ESYT3: variants seen among roughly 807,000 people sequenced by gnomAD.
ESYT3 encodes extended synaptotagmin 3, also known as extended synaptotagmin-3.
A neutral mutation model predicts 111.5 loss-of-function variants in ESYT3; 101 were observed. The ratio of observed to expected loss-of-function variants is 0.91; its 90% CI spans 0.77 to 1.07. The LOEUF (loss-of-function observed/expected upper bound fraction) is 1.07, where lower values mean the gene tolerates loss of function less well. Ranked by LOEUF, ESYT3 falls within the 50% of genes least tolerant of loss-of-function variation. The pLI is 0.00. For synonymous variants in ESYT3, 416 were observed against 446.8 expected, an observed-to-expected ratio of 0.93 and a Z score of 0.87; for missense variants, 1,097 against 1,109.4, an observed-to-expected ratio of 0.99 and a Z score of 0.16.
At chr3:138,461,892 T>A (rs896436611) in intron 7 of ESYT3, among the ~76,000 whole-genome samples, 194 bp from the exon 8 acceptor site, 13 of 151,830 alleles carry the variant, frequency 8.6e-5, no homozygotes, top group African/African-American at 2.9e-4. Flanking sequence ...AGGACTGCTG[T>A]TGAGATAGAA....
At chr3:138,438,264 G>A (rs1385427222) in intron 1 of ESYT3, among the ~76,000 whole-genome samples, 1 of 152,184 alleles carries the variant, frequency 6.6e-6, no homozygotes, top group African/African-American at 2.4e-5. Context: ...ATTTCTGTAA[G>A]TTAACAGATG....
chr3:138,449,660 A>G (rs1046442981), intron 1 of ESYT3, among the ~76,000 whole-genome samples: 20 of 152,244 alleles, frequency 1.3e-4, no homozygotes, highest in African/African-American at 4.8e-4. Context: ...TGAAGTCACA[A>G]AACAACCCGG....
chr3:138,451,838 C>T (rs189965736), intron 1 of ESYT3, among the ~76,000 whole-genome samples: 1 of 148,762 alleles, frequency 6.7e-6, no homozygotes, highest in African/African-American at 2.6e-5. Flanking sequence ...CTGGATAGTG[C>T]GCTGTTTGAG....
intron 19 of ESYT3, 92 bp from the exon 20 acceptor site, chr3:138,474,129 T>G: frequency 6.6e-7 from 1 of 1,521,130 alleles, no homozygotes; most frequent in Non-Finnish European, 8.9e-7. Flanking sequence ...TTGAAGTGTT[T>G]GAAACTCTCA....
At chr3:138,442,942 A>G (rs980915050) in intron 1 of ESYT3, among the ~76,000 whole-genome samples, 2 of 152,160 alleles carry the variant, frequency 1.3e-5, no homozygotes, top group African/African-American at 4.8e-5. Context: ...TTTGATAAGC[A>G]AGAGGATAAG....
intron 6 of ESYT3, 27 bp from the exon 7 acceptor site, chr3:138,460,584 C>T: frequency 2.5e-6 from 4 of 1,613,532 alleles, no homozygotes; most frequent in Non-Finnish European, 3.4e-6. Flanking sequence ...CCCTTTCCAG[C>T]CTAATAGCTT....
chr3:138,477,337 T>C lies in ESYT3; in HGVS notation c.*483T>C, dbSNP rs1362138191. 1 of 152,818 alleles carries C rather than the reference T, an allele frequency of 6.5e-6. No individual in the cohort carries two copies. The highest frequency in any genetic ancestry group is 2.4e-5 in the African/African-American group (1 of 41,434). The allele number at this position is 152,818 out of a possible 1,614,324, so 9.5% of individuals were successfully genotyped here. On this transcript the variant is annotated 3_prime_UTR_variant, in exon 23 of 23. Transcript: ENST00000389567. ...GTCACTTTTTTATGGAAATAGAAAG[T>C]GACCCAACTCAAAACTGCCAAGAGC...
At chr3:138,461,377 A>G (rs559576569) in intron 7 of ESYT3, among the ~76,000 whole-genome samples, 23 of 152,264 alleles carry the variant, frequency 1.5e-4, no homozygotes, top group African/African-American at 5.5e-4. Flanking sequence ...GGCTGCTCTC[A>G]GAGCCCCAGG....
rs2030508494 is a variant in ESYT3, at chr3:138,434,865, C to A, written c.67C>A (p.Pro23Thr). 2.6e-6 allele frequency: 4 copies of A among 1,549,534 alleles called. No homozygotes were observed. The highest frequency in any genetic ancestry group is 4.9e-5 in the East Asian group (2 of 40,948). The change falls in exon 1 of 23, where the codon CCC becomes ACC. Residue 23 changes from proline (P) to threonine (T), a missense_variant. Physicochemically the swap from Pro to Thr is conservative, Grantham distance 38 (BLOSUM62 -1). Transcript: ENST00000389567. ...SALGAQRTPG[P>T]ELRLSSQLLP... ...CCTGGGAGCCCAGCGCACGCCGGGC[C>A]CCGAGCTGCGCCTGTCCAGCCAGCT... is the stretch of plus-strand genomic sequence containing the variant.
At chr3:138,475,798 G>A (rs2033452649) in intron 20 of ESYT3, among the ~76,000 whole-genome samples, 2 of 152,258 alleles carry the variant, frequency 1.3e-5, no homozygotes, top group Middle Eastern at 3.4e-3. Flanking sequence ...GTGTGGTGGT[G>A]CATGCCTGTA....
In ESYT3 at chr3:138,477,021, TGA is replaced by T; in HGVS notation, c.*168_*169del. 4.0e-6 allele frequency: 2 copies of T among 500,446 alleles called. No homozygotes were observed. The highest frequency in any genetic ancestry group is 6.9e-6 in the Non-Finnish European group (2 of 288,942). 31.0% of individuals were successfully genotyped at this position (500,446 alleles called of 1,614,324 possible). A position where few individuals can be genotyped will look rare whatever the true frequency, so the allele number is the denominator to read the frequency against. On this transcript the variant is annotated 3_prime_UTR_variant, in exon 23 of 23. Coordinates refer to ENST00000389567, the MANE Select transcript of ESYT3 (RefSeq NM_031913.5). ...CTTGTGTGGAATTTAACTCCATGACTGAATAGCATAAGGAAGAGGTTATTTAA... is the reference window on the plus strand; with the variant it reads ...CTTGTGTGGAATTTAACTCCATGACTATAGCATAAGGAAGAGGTTATTTAA...
chr3:138,459,972 G>C lies in ESYT3; in HGVS notation c.676G>C (p.Glu226Gln). The change falls in exon 6 of 23, where the codon GAG (glutamate) becomes CAG (glutamine). Residue 226 changes from glutamate to glutamine, a missense_variant. By Grantham distance (29) the Glu-to-Gln change is conservative (BLOSUM62 2). Coordinates refer to ENST00000389567, the MANE Select transcript of ESYT3 (RefSeq NM_031913.5). ...GCAGGGCACCCTGCGGGTCATCCTG[G>C]AGCCCCTCCTAGTGGACAAGCCCTT... ...QLQGTLRVIL[E>Q]PLLVDKPFVG... 2 of 1,614,066 alleles carry C rather than the reference G, an allele frequency of 1.2e-6. No homozygotes were observed. The highest frequency in any genetic ancestry group is 1.7e-6 in the Non-Finnish European group (2 of 1,179,968).
intron 19 of ESYT3, 136 bp downstream of exon 19, chr3:138,473,770 A>T: frequency 1.3e-6 from 1 of 757,318 alleles, no homozygotes. Flanking sequence ...TGAGATTTGA[A>T]GGCCTGAACA....
intron 14 of ESYT3, 71 bp from the exon 15 acceptor site, chr3:138,469,365 T>G: frequency 6.0e-6 from 8 of 1,343,060 alleles, no homozygotes; most frequent in Non-Finnish European, 8.5e-6. Flanking sequence ...CTCCTGGGGG[T>G]TGGGGGTAGG....
intron 16 of ESYT3, chr3:138,470,551 A>G (rs2033166173): frequency 8.7e-7 from 1 of 1,154,014 alleles, no homozygotes; most frequent in Non-Finnish European, 1.1e-6. Flanking sequence ...ATGACCAACA[A>G]GTGGTGGAGC....
intron 16 of ESYT3, chr3:138,470,545 C>T (rs533764039): frequency 4.8e-5 from 55 of 1,151,690 alleles, no homozygotes; most frequent in Non-Finnish European, 4.2e-5. Context: ...GATCTCATGA[C>T]CAACAAGTGG....
Position 138,435,057 on chromosome 3 carries a change from T to G in ESYT3, c.259T>G (p.Phe87Val), listed in dbSNP as rs1228608452. ...RGKLGRLAAA[F>V]EFLDNEREFI... is the part of the protein sequence containing the mutation. ...GAAGCTTGGGCGCCTGGCCGCCGCCTTCGAATTCCTTGACAATGAACGCGA... is the reference window on the plus strand; with the variant it reads ...GAAGCTTGGGCGCCTGGCCGCCGCCGTCGAATTCCTTGACAATGAACGCGA... Residue 87 changes from phenylalanine to valine, a missense_variant, in exon 1 of 23, where the codon TTC becomes GTC. Physicochemically the swap from Phe to Val is conservative, Grantham distance 50. Coordinates refer to ENST00000389567, the MANE Select transcript of ESYT3 (RefSeq NM_031913.5). The surrounding 1 kb of genome is among the most constrained non-coding windows in gnomAD (Gnocchi z 4.8). The G allele has an allele frequency of 6.3e-6, 10 of 1,592,838 alleles. No individual in the cohort carries two copies. The highest frequency in any genetic ancestry group is 8.5e-6 in the Non-Finnish European group (10 of 1,171,940).
In ESYT3 at chr3:138,473,544, A is replaced by T. The variant is rs767955060; in HGVS notation, c.2246A>T (p.Asp749Val). The stretch of plus-strand genomic sequence containing the variant: ...GGGCTCTTTCTTTACAGAGGTGGGG[A>T]CCTCAGGCGACGGCAGCTGGGTGAG... The part of the protein sequence containing the change: ...ADISLNIEGG[D>V]LRRRQLGEIQ... Residue 749 changes from aspartate (D) to valine (V), a missense_variant, in exon 19 of 23, where the codon GAC (aspartate) becomes GTC (valine). Transcript: ENST00000389567. 1 of 1,613,294 alleles carries T rather than the reference A, an allele frequency of 6.2e-7. No individual in the cohort carries two copies. The highest frequency in any genetic ancestry group is 1.1e-5 in the South Asian group (1 of 91,054).
intron 10 of ESYT3, 148 bp from the exon 11 acceptor site, chr3:138,467,413 G>A (rs1358906682): frequency 3.0e-5 from 23 of 777,512 alleles, no homozygotes; most frequent in Non-Finnish European, 5.2e-5. Context: ...CGAGCTGATG[G>A]TGGTCTCCCA....
Sources: allele counts gnomAD v4.1 joint callset (sites outside exome capture counted in the v4.1 genomes callset), GRCh38; gene constraint gnomAD v4.1.1; non-coding constraint Gnocchi (gnomAD v3.1); transcripts MANE v1.5; gene names NCBI Gene and HGNC (gene_info 2026-07-23, HGNC 2026-07-21).